Variants in GREB1L observed in about 807,000 individuals in gnomAD.
GREB1L encodes the protein GREB1 like retinoic acid receptor coactivator, also known as GREB1-like protein.
In GREB1L, 17 loss-of-function variants were observed where a neutral mutation model predicts 200.8. That is an observed-to-expected ratio of 0.08 (90% CI 0.06 to 0.13). The LOEUF (loss-of-function observed/expected upper bound fraction) is 0.13, where lower values mean the gene tolerates loss of function less well. GREB1L is among the 10% of genes least tolerant of loss of function. GREB1L has a pLI of 1.00. For missense variants in GREB1L, 1,657 were observed against 2,367.7 expected, an observed-to-expected ratio of 0.70 and a Z score of 6.23; for synonymous variants, 789 against 893.0, an observed-to-expected ratio of 0.88 and a Z score of 2.08.
chr18:21,368,733 T>C (rs963597958), intron 2 of GREB1L, among the ~76,000 whole-genome samples: 1 of 152,222 alleles, frequency 6.6e-6, no homozygotes, highest in African/African-American at 2.4e-5. Flanking sequence ...AAGTCAGTTT[T>C]AAATGTACTT....
rs1324804827 is a variant in GREB1L, at chr18:21,454,341, C to T, written c.1985-25C>T. On this transcript the variant is annotated intron_variant, in intron 14 of 32. Coordinates refer to ENST00000424526, the MANE Select transcript of GREB1L (RefSeq NM_001142966.3). ...ATTAGGGAAGTAAATTAACCTTGTTCTTATGACTTCTCTTTAAATTTTAGA... is the reference window on the plus strand; with the variant it reads ...ATTAGGGAAGTAAATTAACCTTGTTTTTATGACTTCTCTTTAAATTTTAGA... The T allele has an allele frequency of 2.7e-6, 4 of 1,500,022 alleles. No homozygotes were observed. In the Admixed American group the frequency reaches 7.9e-5, roughly 30 times the overall value. The allele number at this position is 1,500,022 out of a possible 1,614,324, so 92.9% of individuals were successfully genotyped here.
At chr18:21,495,581 T>C (rs1313119678) in intron 19 of GREB1L, 89 bp from the exon 20 acceptor site, 1 of 707,752 alleles carries the variant, frequency 1.4e-6, no homozygotes, top group Non-Finnish European at 2.5e-6. Flanking sequence ...GAAAGCACAG[T>C]GTGTCTAAAA....
chr18:21,411,211 CTT>C (rs565610269), intron 7 of GREB1L, among the ~76,000 whole-genome samples: 8 of 142,834 alleles, frequency 5.6e-5, no homozygotes, highest in African/African-American at 5.1e-5. Flanking sequence ...GGCAAGGATT[CTT>C]TTTTTTTTTT....
In GREB1L at chr18:21,525,076, G is replaced by A. The variant is rs1243916506; in HGVS notation, c.*2255G>A. The A allele has an allele frequency of 6.6e-6, 1 of 151,156 alleles. No individual in the cohort carries two copies. The highest frequency in any genetic ancestry group is 6.6e-5 in the Admixed American group (1 of 15,156). 9.4% of individuals were successfully genotyped at this position (151,156 alleles called of 1,614,324 possible). On this transcript the variant is annotated 3_prime_UTR_variant, in exon 33 of 33. Coordinates refer to ENST00000424526, the MANE Select transcript of GREB1L (RefSeq NM_001142966.3). ...TTGCAATCCCTTAGGACACTGATGT[G>A]GGATGAATGGATTCGCTAGGCCCAC...
chr18:21,306,571 T>C (rs1567930119), intron 1 of GREB1L, among the ~76,000 whole-genome samples: 2 of 152,368 alleles, frequency 1.3e-5, no homozygotes, highest in East Asian at 3.8e-4. Context: ...GAAATCGTGG[T>C]AAGTACTCAT....
intron 1 of GREB1L, among the ~76,000 whole-genome samples, chr18:21,302,381 G>T (rs1814811207): frequency 6.6e-6 from 1 of 152,122 alleles, no homozygotes; most frequent in Non-Finnish European, 1.5e-5. Flanking sequence ...GCTTTTATTT[G>T]CAATTCATGA....
At chr18:21,247,189 C>T (rs1328839143) in intron 1 of GREB1L, among the ~76,000 whole-genome samples, 1 of 152,204 alleles carries the variant, frequency 6.6e-6, no homozygotes, top group African/African-American at 2.4e-5. Flanking sequence ...CCCACAGTGA[C>T]TCTTCTCTTC....
intron 1 of GREB1L, among the ~76,000 whole-genome samples, chr18:21,304,027 C>T (rs2038660647): frequency 6.6e-6 from 1 of 152,128 alleles, no homozygotes; most frequent in African/African-American, 2.4e-5. Flanking sequence ...ACCTTTTAGT[C>T]AGTTGCCCCC....
chr18:21,517,366 C>T (rs1281985546), intron 30 of GREB1L, among the ~76,000 whole-genome samples: 1 of 151,830 alleles, frequency 6.6e-6, no homozygotes, highest in Non-Finnish European at 1.5e-5. Context: ...ACATTTTTAC[C>T]TTCTTTTTTT....
Position 21,449,737 on chromosome 18 carries a change from A to T in GREB1L, c.1621A>T (p.Thr541Ser). The change falls in exon 12 of 33, where the codon ACT (threonine) becomes TCT (serine). Residue 541 changes from threonine (T) to serine (S), a missense_variant. This residue lies in a region of GREB1L where 239 missense variants were observed against 421.8 expected (regional missense o/e 0.57). Coordinates refer to ENST00000424526, the MANE Select transcript of GREB1L (RefSeq NM_001142966.3). The part of the protein sequence containing the change: ...LAEGISETLR[T>S]LSEMRHYQRL... The stretch of plus-strand genomic sequence containing the variant: ...GGAGGGCATTTCAGAGACCTTAAGG[A>T]CTCTCAGTGAAATGAGACACTATCA... 1 of 1,550,980 alleles carries T rather than the reference A, an allele frequency of 6.4e-7. No individual in the cohort carries two copies. The highest frequency in any genetic ancestry group is 8.7e-7 in the Non-Finnish European group (1 of 1,146,448).
intron 2 of GREB1L, among the ~76,000 whole-genome samples, chr18:21,369,324 CCT>C (rs1362305046): frequency 6.6e-6 from 1 of 152,052 alleles, no homozygotes; most frequent in Admixed American, 6.6e-5. Context: ...GACTGTTCTC[CCT>C]GTTGAAAAAT....
chr18:21,495,450 C>T (rs1253025336), intron 19 of GREB1L, among the ~76,000 whole-genome samples: 4 of 152,144 alleles, frequency 2.6e-5, no homozygotes, highest in African/African-American at 9.7e-5. Context: ...CCAGCATCTC[C>T]GTTTTATCCT....
intron 1 of GREB1L, among the ~76,000 whole-genome samples, chr18:21,252,421 G>T (rs1212246133): frequency 4.6e-5 from 7 of 151,992 alleles, no homozygotes; most frequent in Admixed American, 3.9e-4. Flanking sequence ...GCCTGGTATG[G>T]TGGCGCATGC....
intron 19 of GREB1L, 109 bp from the exon 20 acceptor site, chr18:21,495,561 G>T: frequency 1.5e-6 from 1 of 677,460 alleles, no homozygotes. Flanking sequence ...AACACTTAGT[G>T]GAGTAATTTG....
At chr18:21,455,511 G>A (rs566222991) in intron 15 of GREB1L, among the ~76,000 whole-genome samples, 8 of 151,952 alleles carry the variant, frequency 5.3e-5, no homozygotes, top group Admixed American at 2.0e-4. Flanking sequence ...GTGAAACCCC[G>A]TCTCTACTAA....
intron 1 of GREB1L, among the ~76,000 whole-genome samples, chr18:21,344,488 T>C (rs138140138): frequency 7.6e-4 from 116 of 152,328 alleles, no homozygotes; most frequent in Middle Eastern, 3.4e-3. Context: ...ACTGACAGTG[T>C]AAAGTCAATC....
At chr18:21,270,181 C>G (rs563649725) in intron 1 of GREB1L, among the ~76,000 whole-genome samples, 26 of 152,242 alleles carry the variant, frequency 1.7e-4, no homozygotes, top group Non-Finnish European at 3.1e-4. Flanking sequence ...AACATGCTAT[C>G]TTGTGATGTA....
intron 1 of GREB1L, among the ~76,000 whole-genome samples, chr18:21,260,722 T>C (rs1598612130): frequency 6.6e-6 from 1 of 152,102 alleles, no homozygotes; most frequent in African/African-American, 2.4e-5. Flanking sequence ...TAGTCACAAT[T>C]TTCTTTCTCC....
chr18:21,409,977 C>G (rs779991916), intron 7 of GREB1L, among the ~76,000 whole-genome samples: 3 of 152,056 alleles, frequency 2.0e-5, no homozygotes, highest in Non-Finnish European at 4.4e-5. Flanking sequence ...CACCTAGTAC[C>G]AGACAAATGC....
Sources: gnomAD v4.1 joint callset for allele counts (sites outside exome capture counted in the v4.1 genomes callset) on GRCh38, gnomAD v4.1.1 for gene constraint, gnomAD v4.1.1 regional missense constraint, MANE v1.5 for transcripts, NCBI Gene and HGNC (gene_info 2026-07-23, HGNC 2026-07-21) for gene names.